Variants in RUNX1 observed in about 807,000 individuals in gnomAD.
RUNX1 encodes the protein runt-related transcription factor 1.
Under a neutral mutation model 42.8 loss-of-function variants are expected in RUNX1, and 19 were observed. That is an observed-to-expected ratio of 0.44 (90% confidence interval 0.31 to 0.65). The LOEUF (loss-of-function observed/expected upper bound fraction) is 0.65. Ranked by LOEUF, RUNX1 falls within the 30% of genes least tolerant of loss-of-function variation. The pLI is 0.07. For missense variants in RUNX1, 528 were observed against 672.0 expected, an observed-to-expected ratio of 0.79 and a Z score of 2.37; for synonymous variants, 271 against 289.4, an observed-to-expected ratio of 0.94 and a Z score of 0.64.
intron 3 of RUNX1, chr21:34,889,681 G>T: frequency 8.6e-7 from 1 of 1,161,846 alleles, no homozygotes; most frequent in Non-Finnish European, 1.1e-6. Flanking sequence ...ACCCACCCCG[G>T]CTTCGCGTGC....
intron 7 of RUNX1, among the ~76,000 whole-genome samples, chr21:34,829,048 G>A (rs531496977): frequency 2.2e-4 from 33 of 152,200 alleles, no homozygotes; most frequent in Middle Eastern, 3.4e-3. Flanking sequence ...ATTATTACTC[G>A]TCTTTTGCAG....
intron 2 of RUNX1, among the ~76,000 whole-genome samples, chr21:34,993,577 ACACACACAGACACACACACACAGG>A (rs2058964425): frequency 2.1e-5 from 3 of 140,732 alleles, no homozygotes. Flanking sequence ...ACACACAGGC[ACACACACAGACACACACACACAGG>A]CACACACAGG....
At chr21:34,942,184 G>C (rs911506652) in intron 2 of RUNX1, among the ~76,000 whole-genome samples, 1 of 152,126 alleles carries the variant, frequency 6.6e-6, no homozygotes, top group South Asian at 2.1e-4. Flanking sequence ...TGTGCTCACA[G>C]TGATAGAATT....
At chr21:34,822,966 C>T (rs78721585) in intron 7 of RUNX1, among the ~76,000 whole-genome samples, 5,446 of 152,244 alleles carry the variant, frequency 0.036, 212 homozygotes, top group African/African-American at 0.1. Context: ...CCCAAAGCAA[C>T]TGGACATATG....
chr21:34,922,440 T>G (rs2058361104), intron 2 of RUNX1, among the ~76,000 whole-genome samples: 3 of 152,154 alleles, frequency 2.0e-5, no homozygotes, highest in African/African-American at 7.2e-5. Context: ...TTTGGTGAGA[T>G]TAGTTTGGCC....
chr21:34,987,340 G>T (rs1010750495), intron 2 of RUNX1, among the ~76,000 whole-genome samples: 5 of 152,166 alleles, frequency 3.3e-5, no homozygotes, highest in African/African-American at 1.2e-4. Context: ...GAGGGGAGCG[G>T]GCTGCTGACA....
intron 2 of RUNX1, among the ~76,000 whole-genome samples, chr21:34,899,461 G>C (rs1261346414): frequency 6.6e-6 from 1 of 151,650 alleles, no homozygotes; most frequent in Non-Finnish European, 1.5e-5. Flanking sequence ...AATCGTGCTG[G>C]TACCCTGATC....
At chr21:34,820,662 A>C (rs2056895750) in intron 7 of RUNX1, among the ~76,000 whole-genome samples, 1 of 150,302 alleles carries the variant, frequency 6.7e-6, no homozygotes, top group South Asian at 2.1e-4. Flanking sequence ...AAAAAGCATC[A>C]CTCCTCCTTA....
chr21:34,817,543 C>T (rs1394065625), intron 7 of RUNX1, among the ~76,000 whole-genome samples: 1 of 152,128 alleles, frequency 6.6e-6, no homozygotes, highest in Non-Finnish European at 1.5e-5. Flanking sequence ...CTGCTGGCAC[C>T]TAAATGCCTC....
At chr21:35,047,961 T>A (rs1047058598) in intron 2 of RUNX1, among the ~76,000 whole-genome samples, 1 of 152,254 alleles carries the variant, frequency 6.6e-6, no homozygotes, top group African/African-American at 2.4e-5. Context: ...AAGACGCACA[T>A]GCACACACAT....
At chr21:34,937,992 G>T (rs932569227) in intron 2 of RUNX1, among the ~76,000 whole-genome samples, 1 of 152,076 alleles carries the variant, frequency 6.6e-6, no homozygotes, top group Non-Finnish European at 1.5e-5. Flanking sequence ...TTCATTGAGG[G>T]CTTCGATAAT....
chr21:35,035,756 C>G (rs760296418), intron 2 of RUNX1, among the ~76,000 whole-genome samples: 21 of 152,190 alleles, frequency 1.4e-4, no homozygotes, highest in Admixed American at 3.3e-4. Flanking sequence ...TCTCGTTTGA[C>G]GCGGACTCCA....
rs541424872 is a variant in RUNX1 at position 34,949,705 on chromosome 21, T to C, written c.59-56742A>G. 7.9e-5 allele frequency among the ~76,000 whole-genome samples: 12 copies of C among 152,364 alleles called. No individual in the cohort carries two copies. In the South Asian group the frequency reaches 2.1e-3, roughly 26 times the overall value. On this transcript the variant is annotated intron_variant, in intron 2 of 8. Transcript: ENST00000675419. The stretch of plus-strand genomic sequence containing the variant: ...CAGGCTGATAGAGGCTGTGCTAAGA[T>C]TGCCGTCCTGTCACAGCGTGGAGTG...
intron 8 of RUNX1, among the ~76,000 whole-genome samples, chr21:34,793,308 A>G (rs974162160): frequency 6.6e-6 from 1 of 152,152 alleles, no homozygotes; most frequent in African/African-American, 2.4e-5. Flanking sequence ...ATGTAATGTA[A>G]TATGACATGA....
At chr21:34,833,983 G>A (rs924322693) in intron 7 of RUNX1, 3 of 338,718 alleles carry the variant, frequency 8.9e-6, no homozygotes, top group Non-Finnish European at 1.7e-5. Context: ...TGGCAATAGC[G>A]AGAACTTGAA....
chr21:34,852,340 G>T (rs539207714), intron 6 of RUNX1, among the ~76,000 whole-genome samples: 1 of 152,064 alleles, frequency 6.6e-6, no homozygotes, highest in Non-Finnish European at 1.5e-5. Flanking sequence ...TTCCCTTCAC[G>T]GTCCTCTTAG....
chr21:34,825,593 G>A (rs977441149), intron 7 of RUNX1, among the ~76,000 whole-genome samples: 1 of 152,202 alleles, frequency 6.6e-6, no homozygotes, highest in African/African-American at 2.4e-5. Context: ...TGTTCTGGGG[G>A]ATGGACTTGG....
At chr21:34,833,830 G>T in intron 7 of RUNX1, 1 of 217,136 alleles carries the variant, frequency 4.6e-6, no homozygotes, top group Admixed American at 5.1e-5. Flanking sequence ...CAGCGCTTTA[G>T]TAATTGCCAG....
At chr21:34,806,046 T>C (rs968252978) in intron 7 of RUNX1, among the ~76,000 whole-genome samples, 1 of 152,096 alleles carries the variant, frequency 6.6e-6, no homozygotes, top group Non-Finnish European at 1.5e-5. Context: ...CAGTTAAACC[T>C]ATAAAAGGTA....
Sources: gnomAD v4.1 joint callset for allele counts (sites outside exome capture counted in the v4.1 genomes callset) on GRCh38, gnomAD v4.1.1 for gene constraint, MANE v1.5 for transcripts, NCBI Gene and HGNC (gene_info 2026-07-23, HGNC 2026-07-21) for gene names.